The following ATG5 variants were observed in gnomAD, a reference collection of about 807,000 sequenced individuals.
The protein encoded by ATG5 is autophagy related 5.
A neutral mutation model predicts 36.5 loss-of-function variants in ATG5; 14 were observed. That is an observed-to-expected ratio of 0.38 (90% CI 0.25 to 0.60). ATG5 has a LOEUF of 0.60. ATG5 is among the 20% of genes least tolerant of loss of function. ATG5 has a pLI of 0.60. For missense variants in ATG5, 195 were observed against 326.7 expected (o/e 0.60, Z 3.11); for synonymous variants, 95 against 101.5 (o/e 0.94, Z 0.38).
chr6:106,255,469 T>C (rs1284256756), intron 5 of ATG5, among the ~76,000 whole-genome samples: 1 of 152,138 alleles, frequency 6.6e-6, no homozygotes, highest in Non-Finnish European at 1.5e-5. Context: ...TCTTATTAAG[T>C]ATTGAGAAAA....
chr6:106,217,273 A>T (rs1264340946), intron 6 of ATG5, among the ~76,000 whole-genome samples: 2 of 152,182 alleles, frequency 1.3e-5, no homozygotes, highest in Non-Finnish European at 2.9e-5. Flanking sequence ...ACTTTGTCTT[A>T]ACTGTTCACC....
intron 7 of ATG5, among the ~76,000 whole-genome samples, chr6:106,194,537 TTCTTTTTC>T (rs1776099746): frequency 6.7e-6 from 1 of 149,460 alleles, no homozygotes; most frequent in African/African-American, 2.4e-5. Context: ...TCTTTTCTTT[TTCTTTTTC>T]TTTTTTTTTT....
At chr6:106,226,482 T>C (rs1290716679) in intron 6 of ATG5, among the ~76,000 whole-genome samples, 3 of 152,180 alleles carry the variant, frequency 2.0e-5, no homozygotes, top group Non-Finnish European at 4.4e-5. Flanking sequence ...GACCAGATGC[T>C]GGACTTACTG....
rs34408804 is a variant in ATG5 at position 106,308,979 on chromosome 6, C to CA, written c.109-489dup. Among the ~76,000 whole-genome samples the CA allele has an allele frequency of 5.5e-3, 821 of 148,694 alleles. 7 individuals are homozygous for CA. Among genetic ancestry groups the CA allele is most frequent in the African/African-American group, 0.017 (680 of 40,554 alleles). ...GAGAATGCTGAGCTAGGTAAAGCCT[C>CA]AAAAAAAAACAGTATGAAGAACCTG... On this transcript the variant is annotated intron_variant, in intron 2 of 7. Coordinates refer to ENST00000369076, the MANE Select transcript of ATG5 (RefSeq NM_004849.4).
intron 6 of ATG5, among the ~76,000 whole-genome samples, chr6:106,203,088 G>A (rs1776499505): frequency 6.6e-6 from 1 of 152,172 alleles, no homozygotes; most frequent in Non-Finnish European, 1.5e-5. Flanking sequence ...GTGATTCTAG[G>A]TAGAGGGTGT....
At chr6:106,318,688 C>A (rs1461626478) in intron 1 of ATG5, among the ~76,000 whole-genome samples, 1 of 152,102 alleles carries the variant, frequency 6.6e-6, no homozygotes, top group African/African-American at 2.4e-5. Context: ...AGAGCTGATA[C>A]AAATGTTGCA....
At chr6:106,296,301 G>A (rs1769931806) in intron 3 of ATG5, among the ~76,000 whole-genome samples, 1 of 151,262 alleles carries the variant, frequency 6.6e-6, no homozygotes. Context: ...TATATTTTAG[G>A]GTCTTAATGA....
intron 6 of ATG5, among the ~76,000 whole-genome samples, chr6:106,233,174 A>G (rs191718121): frequency 1.6e-4 from 25 of 152,368 alleles, no homozygotes; most frequent in Admixed American, 1.4e-3. Flanking sequence ...TGCTCACAGC[A>G]GGTTAAATAC....
chr6:106,294,699 T>C (rs1189278552), intron 3 of ATG5, among the ~76,000 whole-genome samples: 6 of 150,362 alleles, frequency 4.0e-5, no homozygotes, highest in African/African-American at 1.5e-4. Flanking sequence ...AAAAATTAGC[T>C]GGGCATGATG....
chr6:106,229,241 C>T (rs77826434), intron 6 of ATG5, among the ~76,000 whole-genome samples: 11,687 of 151,836 alleles, frequency 0.077, 757 homozygotes, highest in Admixed American at 0.22. Flanking sequence ...AGGCTATAAA[C>T]CCAGGGAGTC....
intron 4 of ATG5, 72 bp from the exon 5 acceptor site, chr6:106,279,895 A>G: frequency 9.7e-7 from 1 of 1,027,710 alleles, no homozygotes; most frequent in Non-Finnish European, 1.3e-6. Context: ...AAAGAGAACT[A>G]TATCCCCCAG....
chr6:106,299,332 G>T (rs1196376703), intron 3 of ATG5, among the ~76,000 whole-genome samples: 1 of 152,102 alleles, frequency 6.6e-6, no homozygotes, highest in Non-Finnish European at 1.5e-5. Flanking sequence ...GACTTTTTGT[G>T]ATTTCATTTT....
At chr6:106,281,967 T>C (rs1025062002) in intron 4 of ATG5, among the ~76,000 whole-genome samples, 1 of 152,250 alleles carries the variant, frequency 6.6e-6, no homozygotes, top group African/African-American at 2.4e-5. Context: ...AATTCATATA[T>C]GTTCTGTGAA....
chr6:106,258,846 A>AT (rs1399663924), intron 5 of ATG5, among the ~76,000 whole-genome samples: 3 of 152,236 alleles, frequency 2.0e-5, no homozygotes, highest in Non-Finnish European at 4.4e-5. Context: ...AACATCTGGT[A>AT]TAGTAATTCA....
chr6:106,310,968 T>C (rs1193372626), intron 2 of ATG5, among the ~76,000 whole-genome samples: 2 of 152,244 alleles, frequency 1.3e-5, no homozygotes, highest in African/African-American at 2.4e-5. Context: ...TCCATGACTC[T>C]GATACAAGTG....
At chr6:106,219,516 C>T (rs976144917) in intron 6 of ATG5, among the ~76,000 whole-genome samples, 1 of 152,124 alleles carries the variant, frequency 6.6e-6, no homozygotes, top group East Asian at 1.9e-4. Flanking sequence ...CATTCCCTAA[C>T]TACAGTATAA....
intron 5 of ATG5, among the ~76,000 whole-genome samples, chr6:106,249,378 G>A (rs969245665): frequency 2.6e-5 from 4 of 151,950 alleles, no homozygotes; most frequent in Non-Finnish European, 5.9e-5. Context: ...TGGGTTTTTC[G>A]CTTGGCATAA....
intron 4 of ATG5, among the ~76,000 whole-genome samples, chr6:106,290,615 C>A (rs544504586): frequency 6.6e-6 from 1 of 152,286 alleles, no homozygotes; most frequent in East Asian, 1.9e-4. Flanking sequence ...TCATGCCCAT[C>A]CAGTTTATTG....
chr6:106,248,127 T>C, intron 6 of ATG5, 23 bp downstream of exon 6: 2 of 1,539,542 alleles, frequency 1.3e-6, no homozygotes. Context: ...TAAATGGATG[T>C]TTTTTAAAAT....
Sources: allele counts gnomAD v4.1 joint callset (sites outside exome capture counted in the v4.1 genomes callset), GRCh38; gene constraint gnomAD v4.1.1; transcripts MANE v1.5; gene names NCBI Gene and HGNC (gene_info 2026-07-23, HGNC 2026-07-21).